The following PRELID2 variants were observed in gnomAD, a reference collection of about 807,000 sequenced individuals.
PRELID2 encodes the protein PRELI domain-containing protein 2.
In PRELID2, 25 loss-of-function variants were observed where a neutral mutation model predicts 28.4. The ratio of observed to expected loss-of-function variants is 0.88; its 90% CI spans 0.64 to 1.23. PRELID2 has a LOEUF of 1.23. PRELID2 is among the 50% of genes most tolerant of loss of function. PRELID2 has a pLI of 0.00. For missense variants in PRELID2, 201 were observed against 214.4 expected (o/e 0.94, Z 0.39); for synonymous variants, 76 against 71.6 (o/e 1.06, Z -0.31).
chr5:145,709,975 A>G (rs1162880079), intron 1 of PRELID2, among the ~76,000 whole-genome samples: 1 of 152,128 alleles, frequency 6.6e-6, no homozygotes, highest in Non-Finnish European at 1.5e-5. Flanking sequence ...GAGATCTAAT[A>G]TTTAAATCTA....
chr5:145,357,279 T>C, the PRELID2 span, among the ~76,000 whole-genome samples: 2 of 152,220 alleles, frequency 1.3e-5, no homozygotes, highest in African/African-American at 4.8e-5. Flanking sequence ...TTGAGGGTTG[T>C]CCTCTCTAGT....
At chr5:145,422,112 T>A in the PRELID2 span, among the ~76,000 whole-genome samples, 1 of 141,224 alleles carries the variant, frequency 7.1e-6, no homozygotes, top group African/African-American at 2.7e-5. Flanking sequence ...TTGTTATAAT[T>A]TCTGTTCTTT....
the PRELID2 span, among the ~76,000 whole-genome samples, chr5:145,247,807 A>G: frequency 6.6e-6 from 1 of 152,158 alleles, no homozygotes; most frequent in South Asian, 2.1e-4. Context: ...GTTCTGATGT[A>G]CCTCCTGTCT....
At chr5:145,276,422 A>G in the PRELID2 span, among the ~76,000 whole-genome samples, 1 of 152,186 alleles carries the variant, frequency 6.6e-6, no homozygotes, top group African/African-American at 2.4e-5. Flanking sequence ...AATGACTACA[A>G]TAGAAAGCAA....
chr5:145,496,229 G>A lies in PRELID2; in HGVS notation n.71-22914C>T, dbSNP rs117796762. On this transcript the variant is annotated intron_variant and non_coding_transcript_variant, in intron 1 of 2. Coordinates refer to the PRELID2 transcript ENST00000510259. ...ATATACAAATTTGACTCGTGTTCTG[G>A]CTCTATTTTAGACTTGTTAAATTTG... 6.1e-4 allele frequency among the ~76,000 whole-genome samples: 93 copies of A among 152,200 alleles called. No homozygotes were observed. The East Asian group carries it at 0.012, about 19-fold the overall frequency.
the PRELID2 span, among the ~76,000 whole-genome samples, chr5:145,326,864 A>C: frequency 9.2e-5 from 14 of 152,308 alleles, no homozygotes; most frequent in African/African-American, 3.1e-4. Context: ...TTAGAGTTTT[A>C]AAAATTAAAG....
the PRELID2 span, among the ~76,000 whole-genome samples, chr5:145,263,529 A>T: frequency 2.0e-5 from 3 of 152,228 alleles, no homozygotes; most frequent in East Asian, 5.8e-4. Context: ...AAATTAAAAG[A>T]TAAATGAAAC....
At chr5:145,289,313 T>G in the PRELID2 span, among the ~76,000 whole-genome samples, 1 of 152,174 alleles carries the variant, frequency 6.6e-6, no homozygotes. Context: ...TCCTTATAGC[T>G]TTTCCTTTTC....
downstream of PRELID2, among the ~76,000 whole-genome samples, chr5:145,467,713 C>T (rs1752014444): frequency 6.6e-6 from 1 of 151,226 alleles, no homozygotes; most frequent in Admixed American, 6.6e-5. Flanking sequence ...TTGTGAGCAT[C>T]TCATCCTGAG....
chr5:145,590,416 A>G (rs1489412974), intron 1 of PRELID2, among the ~76,000 whole-genome samples: 1 of 151,978 alleles, frequency 6.6e-6, no homozygotes, highest in Non-Finnish European at 1.5e-5. Context: ...GTGTTTGCTT[A>G]TTTATTTATT....
In PRELID2 at chr5:145,741,946, A is replaced by AT. The variant is rs1352494478; in HGVS notation, n.70+22984_70+22985insA. Among the ~76,000 whole-genome samples the AT allele has an allele frequency of 7.6e-4, 5 of 6,590 alleles. 1 individual carries two copies. Among genetic ancestry groups the AT allele is most frequent in the African/African-American group, 1.1e-3 (5 of 4,528 alleles). The allele number at this position is 6,590 out of a possible 152,430, so 4.3% of individuals were successfully genotyped here. Reference sequence around the variant, plus strand: ...CAAATAAATTTATTATAAATAAATAAATTTATTATAATTAAATAAATAAAT... The same window carrying AT: ...CAAATAAATTTATTATAAATAAATAATATTTATTATAATTAAATAAATAAAT... On this transcript the variant is annotated intron_variant and non_coding_transcript_variant, in intron 1 of 2. Transcript: ENST00000510259.
chr5:145,828,210 T>C (rs1755332165), intron 1 of PRELID2, among the ~76,000 whole-genome samples: 5 of 152,150 alleles, frequency 3.3e-5, no homozygotes, highest in Admixed American at 3.3e-4. Flanking sequence ...GAATAAATAC[T>C]TACCTCAAAG....
At chr5:145,652,880 G>A (rs1373463500) in intron 1 of PRELID2, among the ~76,000 whole-genome samples, 1 of 152,118 alleles carries the variant, frequency 6.6e-6, no homozygotes, top group Non-Finnish European at 1.5e-5. Flanking sequence ...ATAATGACAG[G>A]ATCAAATTCA....
the PRELID2 span, among the ~76,000 whole-genome samples, chr5:145,290,040 C>G: frequency 6.6e-6 from 1 of 151,998 alleles, no homozygotes; most frequent in African/African-American, 2.4e-5. Flanking sequence ...CAAATCAAAA[C>G]CACAATGAGA....
chr5:145,583,182 G>T (rs1404710456), intron 1 of PRELID2, among the ~76,000 whole-genome samples: 1 of 151,930 alleles, frequency 6.6e-6, no homozygotes, highest in African/African-American at 2.4e-5. Context: ...CAGAACTAAA[G>T]ACAAAAACCA....
the PRELID2 span, among the ~76,000 whole-genome samples, chr5:145,380,409 G>T: frequency 6.6e-6 from 1 of 152,140 alleles, no homozygotes; most frequent in Non-Finnish European, 1.5e-5. Context: ...CTTGATGGGA[G>T]CTGTTTCACC....
chr5:145,675,263 T>G (rs1055056069), intron 1 of PRELID2, among the ~76,000 whole-genome samples: 19 of 152,094 alleles, frequency 1.2e-4, no homozygotes, highest in Admixed American at 3.3e-4. Context: ...CAAAAAGTAA[T>G]GTAAATGGCT....
chr5:145,413,749 A>G, the PRELID2 span, among the ~76,000 whole-genome samples: 1 of 151,570 alleles, frequency 6.6e-6, no homozygotes, highest in Non-Finnish European at 1.5e-5. Flanking sequence ...CTCTTCTTCT[A>G]TGAGTTCAAC....
At chr5:145,284,279 C>G in the PRELID2 span, among the ~76,000 whole-genome samples, 1 of 152,134 alleles carries the variant, frequency 6.6e-6, no homozygotes, top group Non-Finnish European at 1.5e-5. Flanking sequence ...AGTAGTTTTG[C>G]TTTTTTGTTT....
Sources: gnomAD v4.1 joint callset for allele counts (sites outside exome capture counted in the v4.1 genomes callset) on GRCh38, gnomAD v4.1.1 for gene constraint, MANE v1.5 for transcripts, NCBI Gene and HGNC (gene_info 2026-07-23, HGNC 2026-07-21) for gene names.